RANBP3: variants seen among roughly 807,000 people sequenced by gnomAD.
The protein encoded by RANBP3 is ran-binding protein 3.
A neutral mutation model predicts 77.3 loss-of-function variants in RANBP3; 14 were observed. The ratio of observed to expected loss-of-function variants is 0.18; its 90% CI spans 0.12 to 0.28. The LOEUF is 0.28. RANBP3 is among the 10% of genes least tolerant of loss of function. The pLI is 1.00. For missense variants in RANBP3, 586 were observed against 752.3 expected (o/e 0.78, Z 2.59); for synonymous variants, 315 against 312.4 (o/e 1.01, Z -0.09).
chr19:5,923,576 G>A (rs1053511098), intron 12 of RANBP3, among the ~76,000 whole-genome samples: 10 of 152,194 alleles, frequency 6.6e-5, no homozygotes, highest in Non-Finnish European at 8.8e-5. Flanking sequence ...ACTCCTCCAC[G>A]CCTGCTGCCT....
chr19:5,931,982 C>T (rs1428282470), intron 7 of RANBP3, among the ~76,000 whole-genome samples: 1 of 152,094 alleles, frequency 6.6e-6, no homozygotes, highest in East Asian at 1.9e-4. Flanking sequence ...CTGCAGTGAG[C>T]TATGATTGCA....
chr19:5,941,848 G>T lies in RANBP3; in HGVS notation c.283-13C>A. 1 of 1,612,082 alleles carries T rather than the reference G, an allele frequency of 6.2e-7. No individual in the cohort carries two copies. The highest frequency in any genetic ancestry group is 8.5e-7 in the Non-Finnish European group (1 of 1,180,016). On this transcript the variant is annotated splice_polypyrimidine_tract_variant and intron_variant, in intron 3 of 16. Transcript: ENST00000340578. ...CGCCAGCTGACCTCTGAAACAAGGA[G>T]CACACAGCCGGGGTCAGAGGGCATC...
intron 1 of RANBP3, among the ~76,000 whole-genome samples, chr19:5,973,986 C>T (rs1156575129): frequency 1.3e-5 from 2 of 152,166 alleles, no homozygotes; most frequent in African/African-American, 4.8e-5. Context: ...TCCCCACCAT[C>T]GATACCAGTG....
In RANBP3 at chr19:5,917,499, G is replaced by A. The variant is rs1397736418; in HGVS notation, c.*111C>T. 9 of 1,251,396 alleles carry A rather than the reference G, an allele frequency of 7.2e-6. No individual in the cohort carries two copies. The African/African-American group carries it at 1.2e-4, about 17-fold the overall frequency. The allele number at this position is 1,251,396 out of a possible 1,614,324, so 77.5% of individuals were successfully genotyped here. A position where few individuals can be genotyped will look rare whatever the true frequency, so the allele number is the denominator to read the frequency against. ...GTCCAGACTGTGGCCGGCCCAGTGG[G>A]GTGTGTGGTTCCCGGCCCCGCACCT... On this transcript the variant is annotated 3_prime_UTR_variant, in exon 17 of 17. Coordinates refer to ENST00000340578, the MANE Select transcript of RANBP3 (RefSeq NM_007322.3).
At position 5,921,294 on chromosome 19, in the gene RANBP3, T is replaced by G; in HGVS notation, c.1237A>C (p.Lys413Gln). 1 of 1,613,766 alleles carries G rather than the reference T, an allele frequency of 6.2e-7. No homozygotes were observed. Among genetic ancestry groups the G allele is most frequent in the East Asian group, 2.2e-5 (1 of 44,878 alleles). Residue 413 changes from lysine to glutamine, a missense_variant, in exon 14 of 17, where the codon AAG becomes CAG. Lys to Gln is a moderately conservative substitution (Grantham distance 53). Coordinates refer to ENST00000340578, the MANE Select transcript of RANBP3 (RefSeq NM_007322.3). The surrounding 1 kb of genome is among the most constrained non-coding windows in gnomAD (Gnocchi z 5.3). ...QMQCKLFVFD[K>Q]TSQSWVERGR... ...CTCTCCACCCAGGACTGTGAGGTCT[T>G]GTCAAAGACAAACAGCTTGCACTGC... is the stretch of plus-strand genomic sequence containing the variant.
chr19:5,933,467 C>A lies in RANBP3; in HGVS notation c.419G>T (p.Ser140Ile). Residue 140 changes from serine (S) to isoleucine (I), a missense_variant, in exon 6 of 17, where the codon AGT (serine) becomes ATT (isoleucine). Ser to Ile is a moderately radical substitution (Grantham distance 142). Transcript: ENST00000340578. ...FPPSQSEERS[S>I]GFRLKPPTLI... ...CGTTGGTGGCTTCAACCGGAAGCCA[C>A]TGCTCCTTTCCTCTAAAAGCACAAG... 2 of 1,613,420 alleles carry A rather than the reference C, an allele frequency of 1.2e-6. No individual in the cohort carries two copies. The highest frequency in any genetic ancestry group is 1.7e-6 in the Non-Finnish European group (2 of 1,179,846).
At chr19:5,925,886 T>A in intron 9 of RANBP3, 149 bp from the exon 10 acceptor site, 40 of 599,714 alleles carry the variant, frequency 6.7e-5, no homozygotes, top group Non-Finnish European at 8.8e-5. Flanking sequence ...CGCGTGCATG[T>A]GCTGGGGGGC....
intron 2 of RANBP3, among the ~76,000 whole-genome samples, chr19:5,955,811 T>G (rs527313212): frequency 2.0e-5 from 3 of 152,196 alleles, no homozygotes; most frequent in Non-Finnish European, 4.4e-5. Flanking sequence ...GCAAAGGGGA[T>G]AGTTGTGGCT....
At chr19:5,955,490 T>G (rs1271243339) in intron 2 of RANBP3, among the ~76,000 whole-genome samples, 1 of 152,180 alleles carries the variant, frequency 6.6e-6, no homozygotes, top group East Asian at 1.9e-4. Flanking sequence ...CCCTTGAAGG[T>G]CATACATGCA....
chr19:5,925,862 C>T (rs538165404), intron 9 of RANBP3, 125 bp from the exon 10 acceptor site: 16 of 732,918 alleles, frequency 2.2e-5, no homozygotes, highest in African/African-American at 1.0e-4. Context: ...CTCCTGTACC[C>T]GCCTGTGTGT....
chr19:5,968,052 G>A (rs186815530), intron 1 of RANBP3, among the ~76,000 whole-genome samples: 2 of 152,258 alleles, frequency 1.3e-5, no homozygotes, highest in African/African-American at 4.8e-5. Context: ...AGAAAAAACT[G>A]CGTGGAGAGA....
intron 1 of RANBP3, among the ~76,000 whole-genome samples, chr19:5,961,472 C>T (rs1409342663): frequency 6.6e-6 from 1 of 151,954 alleles, no homozygotes; most frequent in Non-Finnish European, 1.5e-5. Context: ...GTGGCTCATG[C>T]CTGTAATCCC....
chr19:5,954,937 G>C (rs758553085), intron 2 of RANBP3, among the ~76,000 whole-genome samples: 1 of 152,116 alleles, frequency 6.6e-6, no homozygotes, highest in Non-Finnish European at 1.5e-5. Flanking sequence ...AAGCAAACAC[G>C]CTCCTCCTGC....
At chr19:5,963,703 G>T (rs1389514654) in intron 1 of RANBP3, among the ~76,000 whole-genome samples, 2 of 152,174 alleles carry the variant, frequency 1.3e-5, no homozygotes, top group African/African-American at 4.8e-5. Flanking sequence ...TGTGAAGCGG[G>T]GGAGATTCTG....
chr19:5,966,537 C>A (rs2058469864), intron 1 of RANBP3, among the ~76,000 whole-genome samples: 1 of 152,248 alleles, frequency 6.6e-6, no homozygotes, highest in Non-Finnish European at 1.5e-5. Context: ...CTCTCCTCTT[C>A]CGTATAAACT....
In RANBP3 at chr19:5,958,609, A is replaced by T. The variant is rs1485953901; in HGVS notation, c.23-636T>A. ...AGGCGGCCTGTAATGCCCACGCAAC[A>T]CCATCTGTCTCCTACCCAGGGGCAG... On this transcript the variant is annotated intron_variant, in intron 1 of 16. Coordinates refer to ENST00000340578, the MANE Select transcript of RANBP3 (RefSeq NM_007322.3). The surrounding 1 kb of genome is among the most constrained non-coding windows in gnomAD (Gnocchi z 4.4). Among the ~76,000 whole-genome samples, 1 of 152,216 alleles carries T rather than the reference A, an allele frequency of 6.6e-6. No homozygotes were observed. The highest frequency in any genetic ancestry group is 1.5e-5 in the Non-Finnish European group (1 of 68,036).
chr19:5,945,148 A>G (rs1342700288), intron 3 of RANBP3, among the ~76,000 whole-genome samples: 1 of 152,166 alleles, frequency 6.6e-6, no homozygotes, highest in Non-Finnish European at 1.5e-5. Context: ...TCACAGTAGA[A>G]GCCCGTTTAG....
Position 5,921,168 on chromosome 19 carries a change from A to G in RANBP3, c.1330+33T>C. ...ATAGTCCCCAGCCCTCCCCATGGGG[A>G]CCCGGCCACAGCCCCCGCCGTCGGC... On this transcript the variant is annotated intron_variant, in intron 14 of 16. Coordinates refer to ENST00000340578, the MANE Select transcript of RANBP3 (RefSeq NM_007322.3). This position sits in a 1 kb window ranked among gnomAD's most constrained non-coding sequence, Gnocchi z 5.3. 6.3e-7 allele frequency: 1 copy of G among 1,596,610 alleles called. No individual in the cohort carries two copies. The highest frequency in any genetic ancestry group is 8.5e-7 in the Non-Finnish European group (1 of 1,173,298).
intron 1 of RANBP3, among the ~76,000 whole-genome samples, chr19:5,967,974 A>T (rs1412185038): frequency 6.6e-6 from 1 of 152,038 alleles, no homozygotes; most frequent in Admixed American, 6.6e-5. Flanking sequence ...CTGAGATAGC[A>T]CCACTGCACT....
Sources: gnomAD v4.1 joint callset for allele counts (sites outside exome capture counted in the v4.1 genomes callset) on GRCh38, gnomAD v4.1.1 for gene constraint, Gnocchi (gnomAD v3.1) non-coding constraint, MANE v1.5 for transcripts, NCBI Gene and HGNC (gene_info 2026-07-23, HGNC 2026-07-21) for gene names.